The following MYO15B variants were observed in gnomAD, a reference collection of about 807,000 sequenced individuals.
The protein encoded by MYO15B is myosin XVB.
Under a neutral mutation model 119.3 loss-of-function variants are expected in MYO15B, and 207 were observed. The observed-to-expected ratio is 1.73, with a 90% CI of 1.55 to 1.95. The LOEUF (loss-of-function observed/expected upper bound fraction) is 1.95. Among genes scored for constraint, MYO15B ranks in the 30% most tolerant of loss-of-function variants. The pLI, the probability that MYO15B is intolerant of heterozygous loss-of-function variation, is 0.00. For synonymous variants in MYO15B, 966 were observed against 498.9 expected (o/e 1.94, Z -12.48); for missense variants, 2,264 against 1,203.1 (o/e 1.88, Z -13.04).
chr17:75,621,319 G>C lies in MYO15B; in HGVS notation c.7872-26G>C, dbSNP rs191566004. 6.9e-3 allele frequency: 4,749 copies of C among 690,368 alleles called. 41 individuals carry two copies. The highest frequency in any genetic ancestry group is 9.2e-3 in the Non-Finnish European group (3,481 of 376,504). The allele number at this position is 690,368 out of a possible 1,614,324, so 42.8% of individuals were successfully genotyped here. On this transcript the variant is annotated intron_variant, in intron 50 of 63. Coordinates refer to ENST00000645453, the Ensembl canonical transcript of MYO15B. ...TGAAGGCAGGAGGGCCAAACAAGCT[G>C]GGCTGTCTCCCTCTGCCCCCCACAG...
rs1396132554 is a variant in MYO15B, at chr17:75,602,231, A to G, written c.3652-286A>G. 5.1e-5 allele frequency: 27 copies of G among 527,796 alleles called. No homozygotes were observed. The East Asian group carries it at 8.5e-4, about 17-fold the overall frequency. The allele number at this position is 527,796 out of a possible 1,614,324, so 32.7% of individuals were successfully genotyped here. On this transcript the variant is annotated intron_variant, in intron 15 of 63. Transcript: ENST00000645453. ...AAATGTAAATCAAAATAGATTTAATATGGAGAGACAGACAACATTCTTGTC... is the reference window on the plus strand; with the variant it reads ...AAATGTAAATCAAAATAGATTTAATGTGGAGAGACAGACAACATTCTTGTC...
rs2056234662 is a variant in MYO15B, at chr17:75,588,998, C to CA, written c.941_942insA (p.Ala315GlyfsTer117). The CA allele has an allele frequency of 2.5e-6, 1 of 397,832 alleles. No individual in the cohort carries two copies. Among genetic ancestry groups the CA allele is most frequent in the South Asian group, 1.3e-4 (1 of 7,868 alleles). 24.6% of individuals were successfully genotyped at this position (397,832 alleles called of 1,614,324 possible). ...AAGGCGGTGGGGCAGGTGCCAGCGGCGGCAGGCGAGGGCGAAGCGGGAGCC... is the reference window on the plus strand; with the variant it reads ...AAGGCGGTGGGGCAGGTGCCAGCGGCAGGCAGGCGAGGGCGAAGCGGGAGCC... On this transcript the variant is annotated frameshift_variant, in exon 1 of 64. Coordinates refer to ENST00000645453, the Ensembl canonical transcript of MYO15B. LOFTEE classifies it high-confidence loss of function.
intron 8 of MYO15B, 44 bp downstream of exon 8, chr17:75,592,585 G>C: frequency 1.6e-6 from 1 of 624,528 alleles, no homozygotes. Flanking sequence ...CTGCCCAGAG[G>C]AGGATCTCGG....
In MYO15B at chr17:75,616,697, C is replaced by T. The variant is rs570621529; in HGVS notation, c.6418C>T (p.Arg2140Trp). 119 of 703,000 alleles carry T rather than the reference C, an allele frequency of 1.7e-4. 1 individual carries two copies. Among genetic ancestry groups the T allele is most frequent in the East Asian group, 2.7e-5 (1 of 37,284 alleles). The allele number at this position is 703,000 out of a possible 1,614,324, so 43.5% of individuals were successfully genotyped here. The change falls in exon 39 of 64, where the codon CGG (arginine) becomes TGG (tryptophan). Residue 2140 changes from arginine (R) to tryptophan (W), a missense_variant. Arg to Trp is a moderately radical substitution (Grantham distance 101). Transcript: ENST00000645453. ...GCGCAGCTCAGACTCCAAGCCCAAG[C>T]GGCCACAACCCAGCAGGGAAATTGG...
chr17:75,626,715 T>A (rs2059088419), exon 64 of MYO15B: 2 of 573,032 alleles, frequency 3.5e-6, no homozygotes, highest in East Asian at 5.8e-5. Flanking sequence ...CTGCAGGAAC[T>A]CGGCTGGGGC....
intron 25 of MYO15B, 23 bp from the exon 26 acceptor site, chr17:75,612,775 C>G: frequency 1.4e-6 from 1 of 702,998 alleles, no homozygotes; most frequent in Non-Finnish European, 2.6e-6. Flanking sequence ...TGAGCATGGA[C>G]TGAGCCCTCT....
chr17:75,614,086 C>T (rs972688188), intron 29 of MYO15B, 113 bp from the exon 30 acceptor site: 9 of 636,958 alleles, frequency 1.4e-5, no homozygotes, highest in East Asian at 2.7e-5. Context: ...CCGGACCAGG[C>T]GGATCCAGGG....
At chr17:75,594,748 C>T (rs548141550) in exon 11 of MYO15B, 36 of 703,074 alleles carry the variant, frequency 5.1e-5, no homozygotes, top group African/African-American at 3.5e-4. Context: ...TGGAAAGTGC[C>T]TTTGATGCCA....
At chr17:75,615,655 G>A (rs1248042820) in intron 35 of MYO15B, 38 bp from the exon 36 acceptor site, 1 of 670,448 alleles carries the variant, frequency 1.5e-6, no homozygotes. Flanking sequence ...CTGTGGCTCG[G>A]GGATGAGGGT....
At chr17:75,621,225 G>A (rs1459384770) in intron 50 of MYO15B, 49 bp downstream of exon 50, 2 of 663,432 alleles carry the variant, frequency 3.0e-6, no homozygotes, top group Non-Finnish European at 5.5e-6. Flanking sequence ...CAGTCTTCCT[G>A]AGAGAGAGCA....
At position 75,596,286 on chromosome 17, in the gene MYO15B, CAGGGCTGAGGT is replaced by C. The variant is rs1400981623; in HGVS notation, c.3298-171_3298-161del. 2.2e-5 allele frequency: 13 copies of C among 590,262 alleles called. No individual in the cohort carries two copies. The African/African-American group carries it at 2.4e-4, about 11-fold the overall frequency. The allele number at this position is 590,262 out of a possible 1,614,324, so 36.6% of individuals were successfully genotyped here. On this transcript the variant is annotated intron_variant, in intron 12 of 63. Coordinates refer to ENST00000645453, the Ensembl canonical transcript of MYO15B. ...GCAGCTAGAGGGACCTGTGGCTGGG[CAGGGCTGAGGT>C]AGCCCGTGTGCTGTGCCGGATCCTT...
chr17:75,611,825 G>T (rs2058048846), intron 24 of MYO15B, 61 bp from the exon 25 acceptor site: 1 of 698,170 alleles, frequency 1.4e-6, no homozygotes, highest in African/African-American at 1.7e-5. Flanking sequence ...GATGGAGGTG[G>T]TCCCAGGGCC....
At chr17:75,599,892 TC>T (rs1280965637) in intron 14 of MYO15B, among the ~76,000 whole-genome samples, 1 of 69,698 alleles carries the variant, frequency 1.4e-5, no homozygotes, top group Non-Finnish European at 3.0e-5. Context: ...AAGACTCGTC[TC>T]AAAATAATAA....
intron 14 of MYO15B, among the ~76,000 whole-genome samples, chr17:75,600,029 C>CTT (rs1012190499): frequency 8.6e-5 from 11 of 128,278 alleles, no homozygotes; most frequent in South Asian, 2.5e-4. Context: ...TTTCTTTTTT[C>CTT]TTTTTTTTTT....
chr17:75,591,920 G>A, intron 5 of MYO15B, 57 bp from the exon 6 acceptor site: 1 of 689,820 alleles, frequency 1.4e-6, no homozygotes, highest in East Asian at 2.7e-5. Flanking sequence ...TAGCTGGGAT[G>A]CCTGCTGGTG....
exon 30 of MYO15B, chr17:75,614,211 G>T: frequency 1.4e-6 from 1 of 701,674 alleles, no homozygotes; most frequent in South Asian, 1.5e-5. Context: ...GCCTGGAGGC[G>T]CCTCCCCGGG....
intron 13 of MYO15B, 28 bp from the exon 14 acceptor site, chr17:75,596,740 A>G (rs1353894124): frequency 1.4e-6 from 1 of 690,808 alleles, no homozygotes; most frequent in Non-Finnish European, 2.6e-6. Flanking sequence ...CTGCTCCTGC[A>G]AAATGGCCAA....
rs820151 is a variant in MYO15B at position 75,619,903 on chromosome 17, G to C, written c.7326G>C (p.Glu2442Asp). 13 of 702,160 alleles carry C rather than the reference G, an allele frequency of 1.9e-5. No homozygotes were observed. In the South Asian group the frequency reaches 1.9e-4, roughly 10 times the overall value. 43.5% of individuals were successfully genotyped at this position (702,160 alleles called of 1,614,324 possible). Residue 2442 changes from glutamate (E) to aspartate (D), a missense_variant, in exon 47 of 64, where the codon GAG becomes GAC. By Grantham distance (45) the Glu-to-Asp change is conservative. Coordinates refer to ENST00000645453, the Ensembl canonical transcript of MYO15B. ...GCTTTGCGGAGGTGCTGGGTGTGGAGTGCCGGGGCGGCTCCACCCTGGAGC... is the reference window on the plus strand; with the variant it reads ...GCTTTGCGGAGGTGCTGGGTGTGGACTGCCGGGGCGGCTCCACCCTGGAGC...
chr17:75,611,716 G>C (rs1256756986), intron 24 of MYO15B, 58 bp downstream of exon 24: 1 of 702,048 alleles, frequency 1.4e-6, no homozygotes, highest in East Asian at 2.7e-5. Flanking sequence ...TTACTGTGGG[G>C]TGTGTCTGTC....
Sources: allele counts gnomAD v4.1 joint callset (sites outside exome capture counted in the v4.1 genomes callset), GRCh38; gene constraint gnomAD v4.1.1; transcripts MANE v1.5; gene names NCBI Gene and HGNC (gene_info 2026-07-23, HGNC 2026-07-21).